The following ZDHHC13 variants were observed in gnomAD, a reference collection of about 807,000 sequenced individuals.
The protein encoded by ZDHHC13 is palmitoyltransferase ZDHHC13.
ZDHHC13 carries 85 observed loss-of-function variants against 86.0 expected under a neutral mutation model. That is an observed-to-expected ratio of 0.99 (90% CI 0.83 to 1.18). ZDHHC13 has a LOEUF of 1.18. ZDHHC13 is among the 50% of genes most tolerant of loss of function. The pLI is 0.00. For missense variants in ZDHHC13, 711 were observed against 730.2 expected (o/e 0.97, Z 0.30); for synonymous variants, 263 against 246.4 (o/e 1.07, Z -0.63).
intron 3 of ZDHHC13, 100 bp from the exon 4 acceptor site, chr11:19,147,496 T>C: frequency 9.9e-7 from 1 of 1,007,346 alleles, no homozygotes; most frequent in Non-Finnish European, 1.5e-6. Context: ...TCATAATTTG[T>C]TCTCCAACAT....
At chr11:19,152,413 G>T in intron 7 of ZDHHC13, 93 bp downstream of exon 7, 2 of 1,480,124 alleles carry the variant, frequency 1.4e-6, no homozygotes, top group South Asian at 2.7e-5. Flanking sequence ...ATTGTTTTCA[G>T]TTACCCCAAG....
chr11:19,155,652 C>A, intron 8 of ZDHHC13, 144 bp from the exon 9 acceptor site: 1 of 745,604 alleles, frequency 1.3e-6, no homozygotes, highest in South Asian at 2.4e-5. Flanking sequence ...TATCAATCAG[C>A]AATTTTAGAG....
intron 1 of ZDHHC13, among the ~76,000 whole-genome samples, chr11:19,134,104 T>A (rs1285150895): frequency 6.6e-6 from 1 of 151,758 alleles, no homozygotes; most frequent in African/African-American, 2.4e-5. Context: ...TAACTAATAA[T>A]CTCCTGAGGA....
chr11:19,147,329 A>G (rs1337594176), intron 3 of ZDHHC13, among the ~76,000 whole-genome samples: 1 of 152,134 alleles, frequency 6.6e-6, no homozygotes, highest in Non-Finnish European at 1.5e-5. Flanking sequence ...TGCAGAGAGT[A>G]GTTATGATGT....
At chr11:19,134,131 T>A (rs1849070526) in intron 1 of ZDHHC13, among the ~76,000 whole-genome samples, 1 of 151,886 alleles carries the variant, frequency 6.6e-6, no homozygotes, top group Non-Finnish European at 1.5e-5. Context: ...TTTGAAGATA[T>A]AATTTCTGAT....
At chr11:19,165,270 G>C (rs1850030031) in intron 13 of ZDHHC13, 125 bp downstream of exon 13, 1 of 827,294 alleles carries the variant, frequency 1.2e-6, no homozygotes, top group Non-Finnish European at 1.9e-6. Flanking sequence ...AATAGCAATG[G>C]GCCCATGCAT....
chr11:19,152,532 A>C (rs767036211), intron 7 of ZDHHC13, 27 bp from the exon 8 acceptor site: 21 of 1,552,046 alleles, frequency 1.4e-5, no homozygotes, highest in Non-Finnish European at 1.8e-5. Context: ...AAATACTTTT[A>C]AACTTTTTAC....
intron 1 of ZDHHC13, among the ~76,000 whole-genome samples, chr11:19,141,053 C>G (rs1849305222): frequency 6.7e-6 from 1 of 149,490 alleles, no homozygotes. Flanking sequence ...TACCCTAAAA[C>G]TTTAAAGTAG....
At chr11:19,136,883 A>G (rs989265557) in intron 1 of ZDHHC13, among the ~76,000 whole-genome samples, 1 of 151,992 alleles carries the variant, frequency 6.6e-6, no homozygotes, top group Admixed American at 6.6e-5. Context: ...AGATTTTGTC[A>G]CCACCAGGCC....
intron 14 of ZDHHC13, chr11:19,169,979 T>C: frequency 1.0e-6 from 1 of 997,264 alleles, no homozygotes; most frequent in East Asian, 1.1e-4. Context: ...GCTTGTGGGA[T>C]ATCTTGTGCC....
intron 1 of ZDHHC13, among the ~76,000 whole-genome samples, chr11:19,119,595 C>T (rs1477247383): frequency 6.6e-6 from 1 of 152,188 alleles, no homozygotes; most frequent in Non-Finnish European, 1.5e-5. Context: ...AAATTGCAAG[C>T]CTTTTCCATC....
Position 19,154,783 on chromosome 11 carries a change from C to A in ZDHHC13, c.874-1013C>A, listed in dbSNP as rs149789959. On this transcript the variant is annotated intron_variant, in intron 8 of 16. Transcript: ENST00000446113. ...TTTCTTTCTGCCGGTTCTCATCCTGCCTTTCTGGTCAGTTGTTCTTGGTTA... is the reference window on the plus strand; with the variant it reads ...TTTCTTTCTGCCGGTTCTCATCCTGACTTTCTGGTCAGTTGTTCTTGGTTA... Among the ~76,000 whole-genome samples the A allele has an allele frequency of 9.2e-5, 14 of 152,280 alleles. No homozygotes were observed. The East Asian group carries it at 2.7e-3, about 29-fold the overall frequency.
chr11:19,160,376 T>C (rs1223186563), intron 10 of ZDHHC13, among the ~76,000 whole-genome samples: 1 of 151,224 alleles, frequency 6.6e-6, no homozygotes, highest in African/African-American at 2.4e-5. Context: ...AAGGCTTGGA[T>C]GATATTATTA....
At chr11:19,133,920 C>CATATATATATAT (rs1554961794) in intron 1 of ZDHHC13, among the ~76,000 whole-genome samples, 1,211 of 83,354 alleles carry the variant, frequency 0.015, 71 homozygotes, top group East Asian at 0.14. Context: ...GAAAGAAGTC[C>CATATATATATAT]ATATATATAT....
chr11:19,139,174 C>G (rs1404982948), intron 1 of ZDHHC13, among the ~76,000 whole-genome samples: 1 of 151,722 alleles, frequency 6.6e-6, no homozygotes, highest in Non-Finnish European at 1.5e-5. Context: ...CCCATTGTCT[C>G]AGCCCAAAAT....
At chr11:19,122,941 C>T (rs768782470) in intron 1 of ZDHHC13, among the ~76,000 whole-genome samples, 22 of 152,202 alleles carry the variant, frequency 1.4e-4, no homozygotes, top group African/African-American at 4.8e-4. Flanking sequence ...GATCTGCATG[C>T]GGGTAAACAA....
chr11:19,156,667 T>A (rs907745812), intron 9 of ZDHHC13, among the ~76,000 whole-genome samples: 1 of 152,124 alleles, frequency 6.6e-6, no homozygotes, highest in Non-Finnish European at 1.5e-5. Context: ...TGAATATGGG[T>A]GTCATGCTTG....
In ZDHHC13 at chr11:19,146,244, T is replaced by C; in HGVS notation, c.237T>C (p.Asp79=). 6.2e-7 allele frequency: 1 copy of C among 1,613,090 alleles called. No individual in the cohort carries two copies. The highest frequency in any genetic ancestry group is 8.5e-7 in the Non-Finnish European group (1 of 1,179,432). ...VEAGYDVRQP[D]KENVSLLHWA... is the part of the protein sequence containing the mutation. ...CAGGATATGATGTCAGGCAACCAGA[T>C]AAAGAAAATGTGTCGCTTCTTCATT... Residue 79 remains aspartate (D), a synonymous_variant, in exon 3 of 17, where the codon GAT becomes GAC. Transcript: ENST00000446113.
chr11:19,125,011 A>G (rs1048555867), intron 1 of ZDHHC13, among the ~76,000 whole-genome samples: 6 of 152,176 alleles, frequency 3.9e-5, no homozygotes, highest in African/African-American at 1.4e-4. Flanking sequence ...CAGCACAGTC[A>G]CCAGAAACAC....
Sources: gnomAD v4.1 joint callset for allele counts (sites outside exome capture counted in the v4.1 genomes callset) on GRCh38, gnomAD v4.1.1 for gene constraint, MANE v1.5 for transcripts, NCBI Gene and HGNC (gene_info 2026-07-23, HGNC 2026-07-21) for gene names.